Variants in ESR1 observed in about 807,000 individuals in gnomAD.
ESR1 encodes the protein estrogen receptor.
In ESR1, 12 loss-of-function variants were observed where a neutral mutation model predicts 52.7. The observed-to-expected ratio is 0.23, with a 90% CI of 0.15 to 0.37. The LOEUF is 0.37. Among genes scored for constraint, ESR1 ranks in the 10% least tolerant of loss-of-function variants. The pLI is 1.00. For synonymous variants in ESR1, 305 were observed against 316.8 expected (o/e 0.96, Z 0.39); for missense variants, 584 against 779.7 (o/e 0.75, Z 2.99).
At chr6:151,952,777 G>T (rs1474319834) in intron 4 of ESR1, among the ~76,000 whole-genome samples, 1 of 152,050 alleles carries the variant, frequency 6.6e-6, no homozygotes, top group Non-Finnish European at 1.5e-5. Context: ...TATTGGCTGG[G>T]TATCTATTTT....
intron 4 of ESR1, among the ~76,000 whole-genome samples, chr6:151,995,906 T>C (rs2041437764): frequency 6.6e-6 from 1 of 152,184 alleles, no homozygotes; most frequent in South Asian, 2.1e-4. Context: ...TTAAGCTCCA[T>C]TTTCAGCTGA....
Position 151,901,440 on chromosome 6 carries a change from C to T in ESR1, c.760+20669C>T, listed in dbSNP as rs989033349. On this transcript the variant is annotated intron_variant, in intron 3 of 7. Coordinates refer to ENST00000206249, the MANE Select transcript of ESR1 (RefSeq NM_000125.4). Reference sequence around the variant, plus strand: ...CTGTACACCAAATTCACTCCCTCCCCCAAGTTCTGGCCAGGTGACTTCATG... The same window carrying T: ...CTGTACACCAAATTCACTCCCTCCCTCAAGTTCTGGCCAGGTGACTTCATG... Among the ~76,000 whole-genome samples, 6 of 152,152 alleles carry T rather than the reference C, an allele frequency of 3.9e-5. No individual in the cohort carries two copies. The South Asian group carries it at 1.2e-3, about 31-fold the overall frequency.
intron 5 of ESR1, among the ~76,000 whole-genome samples, chr6:152,054,667 C>T (rs942756276): frequency 2.6e-5 from 4 of 152,180 alleles, no homozygotes; most frequent in Non-Finnish European, 5.9e-5. Flanking sequence ...CTGACTCAGC[C>T]CTCTTTGCCA....
intron 2 of ESR1, among the ~76,000 whole-genome samples, chr6:151,713,744 T>C (rs1780805577): frequency 6.6e-6 from 1 of 152,198 alleles, no homozygotes; most frequent in Non-Finnish European, 1.5e-5. Context: ...TTTATTAGTC[T>C]GGCTAGCAGT....
chr6:151,935,344 A>G (rs1166115052), intron 3 of ESR1, among the ~76,000 whole-genome samples: 1 of 152,240 alleles, frequency 6.6e-6, no homozygotes, highest in Non-Finnish European at 1.5e-5. Flanking sequence ...GACTTGGAAA[A>G]CAGGTGGAAA....
intron 6 of ESR1, among the ~76,000 whole-genome samples, chr6:152,078,530 C>G (rs764084701): frequency 2.0e-5 from 3 of 152,090 alleles, no homozygotes; most frequent in Non-Finnish European, 4.4e-5. Flanking sequence ...AGGAACAGCT[C>G]TGGTCTGTAG....
intron 4 of ESR1, among the ~76,000 whole-genome samples, chr6:151,954,555 CGGT>C (rs2036689165): frequency 6.6e-6 from 1 of 152,148 alleles, no homozygotes; most frequent in Non-Finnish European, 1.5e-5. Flanking sequence ...CCCAATAAAA[CGGT>C]GGGCAGTTCC....
At chr6:152,063,414 C>T (rs975359774) in intron 6 of ESR1, among the ~76,000 whole-genome samples, 2 of 152,072 alleles carry the variant, frequency 1.3e-5, no homozygotes, top group Non-Finnish European at 2.9e-5. Context: ...CTGTACAAAG[C>T]GAAACCACTC....
intron 6 of ESR1, among the ~76,000 whole-genome samples, chr6:152,079,173 G>A (rs764248062): frequency 1.1e-4 from 16 of 152,110 alleles, no homozygotes; most frequent in East Asian, 1.9e-4. Context: ...CCAAGAGACC[G>A]CCACCTCAAG....
intron 6 of ESR1, among the ~76,000 whole-genome samples, chr6:152,123,743 T>C (rs1035880897): frequency 1.3e-5 from 2 of 152,232 alleles, no homozygotes; most frequent in Non-Finnish European, 2.9e-5. Context: ...ACAACTAGTA[T>C]AAATTCCTTA....
At chr6:152,021,490 T>C (rs1275498266) in intron 5 of ESR1, among the ~76,000 whole-genome samples, 1 of 152,116 alleles carries the variant, frequency 6.6e-6, no homozygotes, top group African/African-American at 2.4e-5. Context: ...AGAAAGGAGA[T>C]ATAGAAAACA....
Position 151,920,557 on chromosome 6 carries a change from T to G in ESR1, c.761-23616T>G, listed in dbSNP as rs187058000. Reference sequence around the variant, plus strand: ...TCTGTCCCAGGACCCCATCAGGATATGGTATGTATAGTTGTCATGTCTTCC... The same window carrying G: ...TCTGTCCCAGGACCCCATCAGGATAGGGTATGTATAGTTGTCATGTCTTCC... On this transcript the variant is annotated intron_variant, in intron 3 of 7. Coordinates refer to ENST00000206249, the MANE Select transcript of ESR1 (RefSeq NM_000125.4). 3.0e-3 allele frequency among the ~76,000 whole-genome samples: 454 copies of G among 152,262 alleles called. 4 individuals carry two copies. Among genetic ancestry groups the G allele is most frequent in the African/African-American group, 0.01 (427 of 41,554 alleles).
At chr6:151,903,067 G>T (rs988416619) in intron 3 of ESR1, among the ~76,000 whole-genome samples, 2 of 152,064 alleles carry the variant, frequency 1.3e-5, no homozygotes, top group African/African-American at 4.8e-5. Flanking sequence ...CAAGCCTTTG[G>T]CTCCAGGAAA....
chr6:151,731,298 G>A (rs1782219318), intron 2 of ESR1, among the ~76,000 whole-genome samples: 1 of 152,000 alleles, frequency 6.6e-6, no homozygotes, highest in Non-Finnish European at 1.5e-5. Flanking sequence ...GGAGGTTGCA[G>A]TGAGCTGAGA....
chr6:152,069,177 C>T (rs1163948298), intron 6 of ESR1, among the ~76,000 whole-genome samples: 1 of 136,732 alleles, frequency 7.3e-6, no homozygotes, highest in African/African-American at 3.3e-5. Flanking sequence ...ACCTTAAATC[C>T]ACCTCTTGAA....
intron 2 of ESR1, among the ~76,000 whole-genome samples, chr6:151,719,400 A>G (rs1230994828): frequency 6.6e-6 from 1 of 152,194 alleles, no homozygotes; most frequent in South Asian, 2.1e-4. Context: ...CATCTGAACC[A>G]GGACATGAAG....
chr6:151,769,228 C>T (rs1049714968), intron 2 of ESR1, among the ~76,000 whole-genome samples: 1 of 152,162 alleles, frequency 6.6e-6, no homozygotes, highest in Non-Finnish European at 1.5e-5. Flanking sequence ...TTCTGGGCCA[C>T]AGAAGAAAAG....
intron 2 of ESR1, among the ~76,000 whole-genome samples, chr6:151,710,631 G>C (rs572541541): frequency 6.6e-6 from 1 of 152,164 alleles, no homozygotes; most frequent in East Asian, 1.9e-4. Flanking sequence ...GTGCAGGTTT[G>C]TTACACAGGT....
chr6:151,861,656 GT>G (rs1440646076), intron 2 of ESR1, among the ~76,000 whole-genome samples: 1 of 152,170 alleles, frequency 6.6e-6, no homozygotes, highest in Non-Finnish European at 1.5e-5. Context: ...GAAGAGGCAT[GT>G]TATGACTTCC....
Sources: allele counts gnomAD v4.1 joint callset (sites outside exome capture counted in the v4.1 genomes callset), GRCh38; gene constraint gnomAD v4.1.1; transcripts MANE v1.5; gene names NCBI Gene and HGNC (gene_info 2026-07-23, HGNC 2026-07-21).